The following ATP9A variants were observed in gnomAD, a reference collection of about 807,000 sequenced individuals.
The protein encoded by ATP9A is probable phospholipid-transporting ATPase IIA.
Under a neutral mutation model 144.1 loss-of-function variants are expected in ATP9A, and 52 were observed. The ratio of observed to expected loss-of-function variants is 0.36; its 90% CI spans 0.29 to 0.45. The LOEUF (loss-of-function observed/expected upper bound fraction) is 0.45, where lower values mean the gene tolerates loss of function less well. Ranked by LOEUF, ATP9A falls within the 20% of genes least tolerant of loss-of-function variation. The probability of loss-of-function intolerance (pLI) is 1.00; values close to 1 mark genes in which losing one functional copy is unlikely to be tolerated. For synonymous variants in ATP9A, 582 were observed against 557.4 expected (o/e 1.04, Z -0.62); for missense variants, 947 against 1,392.7 (o/e 0.68, Z 5.09).
intron 11 of ATP9A, among the ~76,000 whole-genome samples, chr20:51,672,663 A>T (rs1225384054): frequency 6.6e-6 from 1 of 152,212 alleles, no homozygotes; most frequent in Non-Finnish European, 1.5e-5. Context: ...AGCAAGACAA[A>T]ATATAAGATA....
chr20:51,733,670 G>GT lies in ATP9A; in HGVS notation c.69-3693_69-3692insA. 1.9e-4 allele frequency among the ~76,000 whole-genome samples: 4 copies of GT among 21,340 alleles called. No homozygotes were observed. In the Admixed American group the frequency reaches 2.8e-3, roughly 15 times the overall value. The allele number at this position is 21,340 out of a possible 152,430, so 14.0% of individuals were successfully genotyped here. On this transcript the variant is annotated intron_variant, in intron 1 of 27. Coordinates refer to ENST00000338821, the MANE Select transcript of ATP9A (RefSeq NM_006045.3). ...TTACAGGCGTGAGCCACTGTACCTG[G>GT]CCTTTTTTTTTTAATTTTTTTTTAA...
At chr20:51,723,175 T>C (rs1438558583) in intron 3 of ATP9A, among the ~76,000 whole-genome samples, 1 of 152,186 alleles carries the variant, frequency 6.6e-6, no homozygotes, top group East Asian at 1.9e-4. Flanking sequence ...TCATATGTTT[T>C]CACTAATATG....
intron 14 of ATP9A, 144 bp from the exon 15 acceptor site, chr20:51,639,648 G>T: frequency 1.2e-6 from 1 of 834,236 alleles, no homozygotes; most frequent in Non-Finnish European, 1.8e-6. Context: ...AGTGCTCTGT[G>T]CTGGCCCATG....
chr20:51,726,313 C>CAAAAAAAA (rs11476208), intron 2 of ATP9A, among the ~76,000 whole-genome samples: 1 of 70,782 alleles, frequency 1.4e-5, no homozygotes, highest in Non-Finnish European at 2.7e-5. Context: ...AACTCTGTCT[C>CAAAAAAAA]AAAAAAAAAA....
At chr20:51,639,220 CCTT>C in intron 15 of ATP9A, 120 bp downstream of exon 15, 2 of 1,087,204 alleles carry the variant, frequency 1.8e-6, no homozygotes, top group Non-Finnish European at 2.6e-6. Context: ...AATTATATTC[CCTT>C]GTTAGTCTGG....
At chr20:51,668,216 G>A (rs1287107017) in intron 13 of ATP9A, among the ~76,000 whole-genome samples, 4 of 150,002 alleles carry the variant, frequency 2.7e-5, no homozygotes, top group Non-Finnish European at 5.9e-5. Flanking sequence ...TCTAGTGATC[G>A]GGTGGGAGCA....
rs371924303 is a variant in ATP9A at position 51,665,879 on chromosome 20, T to C, written c.1293+4118A>G. ...ATAATCTGAAGCTTTCCTGCAGGAA[T>C]CTTTTAAAACCACCTGCTCTCTTTA... is the stretch of plus-strand genomic sequence containing the variant. On this transcript the variant is annotated intron_variant, in intron 13 of 27. Transcript: ENST00000338821. Among the ~76,000 whole-genome samples the C allele has an allele frequency of 1.7e-4, 26 of 152,342 alleles. 1 individual carries two copies. In the East Asian group the frequency reaches 2.7e-3, roughly 16 times the overall value.
intron 23 of ATP9A, among the ~76,000 whole-genome samples, chr20:51,612,838 C>T (rs987040217): frequency 2.6e-5 from 4 of 152,116 alleles, no homozygotes; most frequent in African/African-American, 4.8e-5. Context: ...CAAGGGTATT[C>T]GTGATCATAA....
intron 9 of ATP9A, among the ~76,000 whole-genome samples, chr20:51,686,926 C>CTTTTTTTTT (rs11086353): frequency 7.0e-6 from 1 of 142,622 alleles, no homozygotes; most frequent in Non-Finnish European, 1.5e-5. Context: ...CAGAGGGACT[C>CTTTTTTTTT]TTTTTTTTTT....
At chr20:51,619,869 C>CAA (rs564118011) in intron 19 of ATP9A, among the ~76,000 whole-genome samples, 1,035 of 83,832 alleles carry the variant, frequency 0.012, 44 homozygotes, top group African/African-American at 0.042. Flanking sequence ...AACTCTGTCT[C>CAA]AAAAAAAAAA....
At chr20:51,648,669 A>G (rs985235398) in intron 14 of ATP9A, among the ~76,000 whole-genome samples, 8 of 152,104 alleles carry the variant, frequency 5.3e-5, no homozygotes, top group Admixed American at 3.3e-4. Context: ...CATTGCTACA[A>G]TAAAATACAA....
At chr20:51,693,769 C>G (rs1272827324) in intron 7 of ATP9A, among the ~76,000 whole-genome samples, 1 of 152,118 alleles carries the variant, frequency 6.6e-6, no homozygotes, top group African/African-American at 2.4e-5. Context: ...TGGTGAGGCC[C>G]CTTGGCAAGG....
Position 51,671,238 on chromosome 20 carries a change from T to C in ATP9A, c.1057A>G (p.Met353Val). 4 of 1,613,814 alleles carry C rather than the reference T, an allele frequency of 2.5e-6. No homozygotes were observed. Among genetic ancestry groups the C allele is most frequent in the Non-Finnish European group, 3.4e-6 (4 of 1,179,718 alleles). ...IPISLRVNLDMGKIVYSWVIR... is the reference protein window; with the variant it reads ...IPISLRVNLDVGKIVYSWVIR... Reference sequence around the variant, plus strand: ...ACCCAGCTGTACACGATCTTGCCCATGTCCAGGTTCACACGCAAACTAGGC... The same window carrying C: ...ACCCAGCTGTACACGATCTTGCCCACGTCCAGGTTCACACGCAAACTAGGC... Residue 353 changes from methionine (M) to valine (V), a missense_variant, in exon 12 of 28, where the codon ATG becomes GTG. Transcript: ENST00000338821.
intron 7 of ATP9A, among the ~76,000 whole-genome samples, chr20:51,693,742 G>T (rs543369652): frequency 6.6e-6 from 1 of 152,234 alleles, no homozygotes; most frequent in Non-Finnish European, 1.5e-5. Flanking sequence ...GCATGCTCTG[G>T]CTTACCTTTT....
At chr20:51,701,974 C>A (rs6063699) in intron 4 of ATP9A, among the ~76,000 whole-genome samples, 45,848 of 151,534 alleles carry the variant, frequency 0.3, 7,328 homozygotes, top group African/African-American at 0.37. Context: ...CAGCCCGGGC[C>A]GCATGGCAAA....
intron 15 of ATP9A, among the ~76,000 whole-genome samples, chr20:51,633,872 A>T (rs923265865): frequency 1.2e-4 from 17 of 143,878 alleles, no homozygotes; most frequent in Admixed American, 1.0e-3. Flanking sequence ...GGGAGGGAGA[A>T]AGGAAGGAAG....
chr20:51,604,800 G>T lies in ATP9A; in HGVS notation c.3007+17C>A. 1 of 1,469,940 alleles carries T rather than the reference G, an allele frequency of 6.8e-7. No individual in the cohort carries two copies. Among genetic ancestry groups the T allele is most frequent in the Non-Finnish European group, 9.1e-7 (1 of 1,104,114 alleles). The allele number at this position is 1,469,940 out of a possible 1,614,324, so 91.1% of individuals were successfully genotyped here. On this transcript the variant is annotated intron_variant, in intron 27 of 27. Coordinates refer to ENST00000338821, the MANE Select transcript of ATP9A (RefSeq NM_006045.3). ...ACTGGGGGTGACGGACGGGGTTTAA[G>T]CATTCAGGGGTCTTACCGATGAACT...
rs576264788 is a variant in ATP9A, at chr20:51,712,565, C to T, written c.436+401G>A. On this transcript the variant is annotated intron_variant, in intron 4 of 27. Coordinates refer to ENST00000338821, the MANE Select transcript of ATP9A (RefSeq NM_006045.3). The stretch of plus-strand genomic sequence containing the variant: ...GCCTTTCTAAAAACTAAAGTAGCAA[C>T]AGTTTAATCACTGCCAAAAGAGTAT... Among the ~76,000 whole-genome samples the T allele has an allele frequency of 4.6e-5, 7 of 152,352 alleles. No individual in the cohort carries two copies. In the South Asian group the frequency reaches 1.0e-3, roughly 23 times the overall value.
rs770219046 is a variant in ATP9A, at chr20:51,622,232, G to T, written c.2017-60C>A. 3.1e-5 allele frequency: 43 copies of T among 1,381,366 alleles called. No individual in the cohort carries two copies. In the South Asian group the frequency reaches 3.9e-4, roughly 12 times the overall value. 85.6% of individuals were successfully genotyped at this position (1,381,366 alleles called of 1,614,324 possible). On this transcript the variant is annotated intron_variant, in intron 18 of 27. Transcript: ENST00000338821. ...AGTTTTTGAGGCCGGCCTGTCATCT[G>T]CAACAGCTGAGTTTCCAACAACATG...
Sources: allele counts gnomAD v4.1 joint callset (sites outside exome capture counted in the v4.1 genomes callset), GRCh38; gene constraint gnomAD v4.1.1; transcripts MANE v1.5; gene names NCBI Gene and HGNC (gene_info 2026-07-23, HGNC 2026-07-21).